The following CFAP44 variants were observed in gnomAD, a reference collection of about 807,000 sequenced individuals.
The protein encoded by CFAP44 is cilia- and flagella-associated protein 44.
CFAP44 carries 134 observed loss-of-function variants against 216.2 expected under a neutral mutation model. The ratio of observed to expected loss-of-function variants is 0.62; its 90% CI spans 0.54 to 0.72. The LOEUF is 0.72. Ranked by LOEUF, CFAP44 falls within the 30% of genes least tolerant of loss-of-function variation. CFAP44 has a pLI of 0.00. For missense variants in CFAP44, 2,035 were observed against 2,182.1 expected (o/e 0.93, Z 1.34); for synonymous variants, 700 against 727.6 (o/e 0.96, Z 0.61).
In CFAP44 at chr3:113,330,374, C is replaced by T; in HGVS notation, c.3910G>A (p.Gly1304Arg). Residue 1304 changes from glycine (G) to arginine (R), a missense_variant, in exon 26 of 35, where the codon GGA becomes AGA. By Grantham distance (125) the Gly-to-Arg change is moderately radical. This residue lies in a region of CFAP44 where 1,883 missense variants were observed against 2,023.7 expected (regional missense o/e 0.93). Transcript: ENST00000393845. ...CTAGAAGAGAGTTTGAGGAATCCTC[C>T]AACTGGGCCTCCAGACCCTGTCTGT... ...VEQTGSGGPV[G>R]GFLKLSSRKD... is the part of the protein sequence containing the mutation. 6.5e-7 allele frequency: 1 copy of T among 1,537,176 alleles called. No individual in the cohort carries two copies. The highest frequency in any genetic ancestry group is 1.2e-5 in the South Asian group (1 of 84,046).
chr3:113,369,613 G>T (rs897053476), intron 18 of CFAP44, among the ~76,000 whole-genome samples: 17 of 152,182 alleles, frequency 1.1e-4, no homozygotes, highest in African/African-American at 4.1e-4. Flanking sequence ...CTAAATGCCC[G>T]CAAGAGAAAG....
At chr3:113,353,316 A>C (rs1950462506) in intron 22 of CFAP44, among the ~76,000 whole-genome samples, 1 of 151,876 alleles carries the variant, frequency 6.6e-6, no homozygotes, top group African/African-American at 2.4e-5. Flanking sequence ...AGCTGTACTA[A>C]GACTGACTTT....
intron 6 of CFAP44, among the ~76,000 whole-genome samples, chr3:113,410,633 C>T (rs567486454): frequency 6.6e-6 from 1 of 152,150 alleles, no homozygotes; most frequent in Non-Finnish European, 1.5e-5. Flanking sequence ...TTTATAGTAG[C>T]ATGATTTATA....
chr3:113,373,312 T>G, intron 18 of CFAP44, 99 bp downstream of exon 18: 2 of 1,223,598 alleles, frequency 1.6e-6, no homozygotes, highest in Non-Finnish European at 2.1e-6. Flanking sequence ...TACCCCTTCA[T>G]TTGGATGGAT....
chr3:113,353,005 G>A (rs115304628), intron 22 of CFAP44, among the ~76,000 whole-genome samples: 26 of 152,244 alleles, frequency 1.7e-4, no homozygotes, highest in Admixed American at 9.2e-4. Context: ...GATCAGGGAC[G>A]GAAAGCAGGA....
In CFAP44 at chr3:113,302,143, T is replaced by C. The variant is rs75491914; in HGVS notation, c.5077+1773A>G. On this transcript the variant is annotated intron_variant, in intron 32 of 34. Transcript: ENST00000393845. ...GCTGAATAGTATTTCATTGTGTACA[T>C]ATACCACATTTTCTTTAGCCACTCA... Among the ~76,000 whole-genome samples the C allele has an allele frequency of 2.6e-3, 392 of 152,324 alleles. 2 individuals carry two copies. Among genetic ancestry groups the C allele is most frequent in the South Asian group, 0.012 (58 of 4,830 alleles).
chr3:113,379,203 G>T lies in CFAP44; in HGVS notation c.2298+103C>A, dbSNP rs140239272. 1,773 of 901,796 alleles carry T rather than the reference G, an allele frequency of 2.0e-3. 29 individuals carry two copies. The African/African-American group carries it at 0.026, about 13-fold the overall frequency. The allele number at this position is 901,796 out of a possible 1,614,324, so 55.9% of individuals were successfully genotyped here. ...AATGAAATCTAAAAAAAAATAAATAGATAAATGAAATCTTAACATAAGAGT... is the reference window on the plus strand; with the variant it reads ...AATGAAATCTAAAAAAAAATAAATATATAAATGAAATCTTAACATAAGAGT... On this transcript the variant is annotated intron_variant, in intron 17 of 34. Transcript: ENST00000393845.
chr3:113,414,272 G>C (rs927477118), intron 6 of CFAP44, among the ~76,000 whole-genome samples: 6 of 151,994 alleles, frequency 3.9e-5, no homozygotes, highest in African/African-American at 1.5e-4. Flanking sequence ...GAGATGATGG[G>C]GTTTTCTAAA....
chr3:113,359,386 C>G (rs1950518064), intron 21 of CFAP44, among the ~76,000 whole-genome samples: 1 of 152,114 alleles, frequency 6.6e-6, no homozygotes, highest in South Asian at 2.1e-4. Context: ...TTACCCTCAT[C>G]CCTGGAAAAA....
At chr3:113,385,810 A>G (rs952835195) in intron 15 of CFAP44, among the ~76,000 whole-genome samples, 1 of 144,876 alleles carries the variant, frequency 6.9e-6, no homozygotes, top group Non-Finnish European at 1.5e-5. Context: ...TAATTTTTGT[A>G]TTTTTTTTTT....
At position 113,344,531 on chromosome 3, in the gene CFAP44, T is replaced by C. The variant is rs1158957706; in HGVS notation, c.3247A>G (p.Ser1083Gly). 4 of 1,536,894 alleles carry C rather than the reference T, an allele frequency of 2.6e-6. No individual in the cohort carries two copies. The highest frequency in any genetic ancestry group is 1.4e-5 in the African/African-American group (1 of 73,144). Residue 1083 changes from serine (S) to glycine (G), a missense_variant, in exon 23 of 35, where the codon AGC becomes GGC. Around this residue, in one of 3 missense-constraint regions of CFAP44, gnomAD observed 1,883 missense variants for 2,023.7 expected, o/e 0.93. Transcript: ENST00000393845. ...FEKEGPGRKD[S>G]QRDAGGSVTI... Reference sequence around the variant, plus strand: ...CATAGGCTACCTGCATCTCTCTGGCTGTCCTTTCTTCCAGGTCCCTCTTTT... The same window carrying C: ...CATAGGCTACCTGCATCTCTCTGGCCGTCCTTTCTTCCAGGTCCCTCTTTT...
chr3:113,432,208 C>A (rs1935123710), intron 2 of CFAP44: 2 of 152,170 alleles, frequency 1.3e-5, no homozygotes, highest in African/African-American at 4.8e-5. Flanking sequence ...AGGTTATTAT[C>A]AACTTGTGTG....
intron 17 of CFAP44, among the ~76,000 whole-genome samples, chr3:113,374,752 G>A (rs1355643493): frequency 8.6e-5 from 13 of 151,998 alleles, no homozygotes; most frequent in African/African-American, 2.2e-4. Context: ...CTCCTGCCTC[G>A]GCCTCCCGGG....
At chr3:113,296,907 C>T in intron 32 of CFAP44, 22 bp from the exon 33 acceptor site, 2 of 1,537,152 alleles carry the variant, frequency 1.3e-6, no homozygotes, top group South Asian at 2.4e-5. Flanking sequence ...CAGTCACTGG[C>T]TCAGGTTGTT....
chr3:113,306,132 A>C, intron 30 of CFAP44, 69 bp downstream of exon 30: 1 of 1,468,448 alleles, frequency 6.8e-7, no homozygotes, highest in Non-Finnish European at 9.0e-7. Flanking sequence ...TTGCTATAAA[A>C]AGGCAATATT....
At chr3:113,303,654 A>T (rs1334745089) in intron 32 of CFAP44, among the ~76,000 whole-genome samples, 1 of 152,182 alleles carries the variant, frequency 6.6e-6, no homozygotes, top group African/African-American at 2.4e-5. Flanking sequence ...CACTTGGGTT[A>T]TTATTGTATT....
At chr3:113,324,037 C>T (rs1222235199) in intron 28 of CFAP44, among the ~76,000 whole-genome samples, 6 of 118,654 alleles carry the variant, frequency 5.1e-5, no homozygotes, top group Non-Finnish European at 1.0e-4. Context: ...AGCAAGACTC[C>T]GTCTCAAAAA....
At chr3:113,406,738 A>G (rs536131467) in intron 8 of CFAP44, among the ~76,000 whole-genome samples, 189 bp downstream of exon 8, 4 of 152,326 alleles carry the variant, frequency 2.6e-5, no homozygotes, top group African/African-American at 9.6e-5. Flanking sequence ...GTAGGTAAGT[A>G]TGGATTATGA....
intron 9 of CFAP44, among the ~76,000 whole-genome samples, chr3:113,402,612 C>G (rs1934173876): frequency 6.6e-6 from 1 of 152,106 alleles, no homozygotes; most frequent in Non-Finnish European, 1.5e-5. Context: ...AGGGAAATAT[C>G]TGAGGGTCAG....
Sources: allele counts gnomAD v4.1 joint callset (sites outside exome capture counted in the v4.1 genomes callset), GRCh38; gene constraint gnomAD v4.1.1; regional missense constraint gnomAD v4.1.1; transcripts MANE v1.5; gene names NCBI Gene and HGNC (gene_info 2026-07-23, HGNC 2026-07-21).